Variants in NLRP12 observed in about 807,000 individuals in gnomAD.
NLRP12 encodes NLR family pyrin domain containing 12.
A neutral mutation model predicts 91.2 loss-of-function variants in NLRP12; 108 were observed. The observed-to-expected ratio is 1.18, with a 90% CI of 1.01 to 1.39. The LOEUF is 1.39. NLRP12 is among the 40% of genes most tolerant of loss of function. The pLI, the probability that NLRP12 is intolerant of heterozygous loss-of-function variation, is 0.00. For missense variants in NLRP12, 1,530 were observed against 1,352.7 expected (o/e 1.13, Z -2.06); for synonymous variants, 613 against 566.7 (o/e 1.08, Z -1.16).
rs146250162 is a variant in NLRP12 at position 53,809,773 on chromosome 19, G to T, written c.1886C>A (p.Ala629Asp). Residue 629 changes from alanine (A) to aspartate (D), a missense_variant, in exon 3 of 10, where the codon GCC becomes GAC. Physicochemically the swap from Ala to Asp is moderately radical, Grantham distance 126. Transcript: ENST00000324134. ...CACGATCACCTGGAAGTGGCTCAGG[G>T]CCTGCTGGATAAACTCCTCCTCCTG... ...EIQEEEFIQQ[A>D]LSHFQVIVVS... 100 of 1,614,164 alleles carry T rather than the reference G, an allele frequency of 6.2e-5. No homozygotes were observed. Among genetic ancestry groups the T allele is most frequent in the Middle Eastern group, 4.9e-4 (3 of 6,062 alleles).
chr19:53,801,398 C>T lies in NLRP12; in HGVS notation c.2586-1G>A. 3.1e-6 allele frequency: 5 copies of T among 1,613,504 alleles called. No individual in the cohort carries two copies. Among genetic ancestry groups the T allele is most frequent in the Non-Finnish European group, 4.2e-6 (5 of 1,179,944 alleles). Reference sequence around the variant, plus strand: ...AGCAGTGAGGCGGCAGATCTTCAGCCTGCACAAAGTCCAATTCAACAAGCA... The same window carrying T: ...AGCAGTGAGGCGGCAGATCTTCAGCTTGCACAAAGTCCAATTCAACAAGCA... On this transcript the variant is annotated splice_acceptor_variant, in intron 6 of 9. Coordinates refer to ENST00000324134, the MANE Select transcript of NLRP12 (RefSeq NM_144687.4). LOFTEE classifies it high-confidence loss of function.
chr19:53,810,850 C>T lies in NLRP12; in HGVS notation c.809G>A (p.Ser270Asn). 1 of 1,614,094 alleles carries T rather than the reference C, an allele frequency of 6.2e-7. No individual in the cohort carries two copies. Among genetic ancestry groups the T allele is most frequent in the Non-Finnish European group, 8.5e-7 (1 of 1,180,026 alleles). Residue 270 changes from serine (S) to asparagine (N), a missense_variant, in exon 3 of 10, where the codon AGC (serine) becomes AAC (asparagine). Coordinates refer to ENST00000324134, the MANE Select transcript of NLRP12 (RefSeq NM_144687.4). The stretch of plus-strand genomic sequence containing the variant: ...AGGCGCGCTGGGCTCAGGCCAGCAG[C>T]TGAAGATGAGGTCTTGCATGCTGCA... ...TECSMQDLIF[S>N]CWPEPSAPLQ... is the part of the protein sequence containing the mutation.
At chr19:53,813,867 T>TG (rs1189838127) in intron 2 of NLRP12, among the ~76,000 whole-genome samples, 1 of 146,628 alleles carries the variant, frequency 6.8e-6, no homozygotes, top group Non-Finnish European at 1.5e-5. Context: ...TTCGATTTTT[T>TG]GTTTTTTTTT....
chr19:53,813,492 CAA>C (rs2092112712), intron 2 of NLRP12, among the ~76,000 whole-genome samples: 1 of 151,378 alleles, frequency 6.6e-6, no homozygotes, highest in African/African-American at 2.4e-5. Flanking sequence ...TTAGTAGAGA[CAA>C]GGTTTCACCG....
chr19:53,819,547 A>ACATGCG (rs1233710604), intron 1 of NLRP12, among the ~76,000 whole-genome samples: 58 of 112,384 alleles, frequency 5.2e-4, no homozygotes, highest in African/African-American at 1.0e-3. Context: ...ATACGTATAT[A>ACATGCG]TATGTATGTA....
At position 53,809,761 on chromosome 19, in the gene NLRP12, A is replaced by C. The variant is rs763997556; in HGVS notation, c.1898T>G (p.Phe633Cys). 1.9e-6 allele frequency: 3 copies of C among 1,614,098 alleles called. No homozygotes were observed. Among genetic ancestry groups the C allele is most frequent in the Middle Eastern group, 1.6e-4 (1 of 6,062 alleles). Residue 633 changes from phenylalanine to cysteine, a missense_variant, in exon 3 of 10, where the codon TTC (phenylalanine) becomes TGC (cysteine). Phe to Cys is a radical substitution (Grantham distance 205, BLOSUM62 -2). Transcript: ENST00000324134. ...AATGTTGCTGACCACGATCACCTGG[A>C]AGTGGCTCAGGGCCTGCTGGATAAA... is the stretch of plus-strand genomic sequence containing the variant. ...EEFIQQALSHFQVIVVSNIAS... is the reference protein window; with the variant it reads ...EEFIQQALSHCQVIVVSNIAS...
At chr19:53,812,762 AAAC>A (rs1255109793) in intron 2 of NLRP12, among the ~76,000 whole-genome samples, 6 of 152,182 alleles carry the variant, frequency 3.9e-5, no homozygotes, top group African/African-American at 1.4e-4. Flanking sequence ...AAAATTTTCA[AAAC>A]AAATATGTGT....
intron 1 of NLRP12, among the ~76,000 whole-genome samples, chr19:53,818,883 C>T (rs1034737467): frequency 6.6e-6 from 1 of 152,092 alleles, no homozygotes; most frequent in Non-Finnish European, 1.5e-5. Flanking sequence ...CTCTTACGCA[C>T]AGTAACATGA....
chr19:53,809,649 G>A lies in NLRP12; in HGVS notation c.2010C>T (p.Tyr670=), dbSNP rs2122655928. The A allele has an allele frequency of 6.2e-7, 1 of 1,613,786 alleles. No individual in the cohort carries two copies. The highest frequency in any genetic ancestry group is 1.1e-5 in the South Asian group (1 of 91,088). Residue 670 remains tyrosine (Y), a synonymous_variant, in exon 3 of 10, where the codon TAC becomes TAT. Coordinates refer to ENST00000324134, the MANE Select transcript of NLRP12 (RefSeq NM_144687.4). Reference sequence around the variant, plus strand: ...TCGCGCGGTCTTCCCCGTCCGCGCTGTAGGTGGCGCCATACAAGTGCAGCA... The same window carrying A: ...TCGCGCGGTCTTCCCCGTCCGCGCTATAGGTGGCGCCATACAAGTGCAGCA... ...AQVLHLYGAT[Y]SADGEDRARC...
In NLRP12 at chr19:53,803,933, G is replaced by C. The variant is rs1370180072; in HGVS notation, c.2585+19C>G. ...AGAGATTTGCCATTTTATTATAGTT[G>C]ACCCCAGGAAGAACTCACCACAAAG... On this transcript the variant is annotated intron_variant, in intron 6 of 9. Coordinates refer to ENST00000324134, the MANE Select transcript of NLRP12 (RefSeq NM_144687.4). 1 of 1,611,054 alleles carries C rather than the reference G, an allele frequency of 6.2e-7. No individual in the cohort carries two copies. Among genetic ancestry groups the C allele is most frequent in the Non-Finnish European group, 8.5e-7 (1 of 1,177,388 alleles).
downstream of NLRP12, chr19:53,793,658 C>T: frequency 3.5e-6 from 1 of 287,284 alleles, no homozygotes; most frequent in Non-Finnish European, 6.8e-6. Context: ...GATCTCGGCT[C>T]ACTGCAACCT....
At position 53,819,455 on chromosome 19, in the gene NLRP12, A is replaced by ATGTGTGTGTGTGTGTG. The variant is rs1387933382; in HGVS notation, c.289+4430_289+4431insCACACACACACACACA. ...TATATATATATATATATATATATAT[A>ATGTGTGTGTGTGTGTG]TATGTGTGTGTGTGTGTGTGTGTGT... is the stretch of plus-strand genomic sequence containing the variant. On this transcript the variant is annotated intron_variant, in intron 1 of 9. Coordinates refer to ENST00000324134, the MANE Select transcript of NLRP12 (RefSeq NM_144687.4). Among the ~76,000 whole-genome samples the ATGTGTGTGTGTGTGTG allele has an allele frequency of 3.7e-4, 2 of 5,408 alleles. 1 individual carries two copies. Among genetic ancestry groups the ATGTGTGTGTGTGTGTG allele is most frequent in the African/African-American group, 1.3e-3 (2 of 1,590 alleles). 3.5% of individuals were successfully genotyped at this position (5,408 alleles called of 152,430 possible).
chr19:53,804,259 ATC>A, intron 5 of NLRP12, 137 bp from the exon 6 acceptor site: 1 of 974,740 alleles, frequency 1.0e-6, no homozygotes, highest in Non-Finnish European at 1.6e-6. Flanking sequence ...GTGGAGTGAT[ATC>A]AACTCGCTGA....
chr19:53,811,685 G>A (rs532512044), intron 2 of NLRP12, among the ~76,000 whole-genome samples: 2 of 151,170 alleles, frequency 1.3e-5, no homozygotes, highest in South Asian at 4.2e-4. Flanking sequence ...TCCAGTCTCA[G>A]CCTCCCGAGT....
intron 6 of NLRP12, among the ~76,000 whole-genome samples, chr19:53,801,799 A>G (rs1291249581): frequency 1.3e-5 from 2 of 151,780 alleles, no homozygotes; most frequent in Non-Finnish European, 2.9e-5. Context: ...CTAATTTAAA[A>G]ATGGGCAAAA....
chr19:53,802,512 C>T (rs930332714), intron 6 of NLRP12, among the ~76,000 whole-genome samples: 1 of 151,896 alleles, frequency 6.6e-6, no homozygotes, highest in Non-Finnish European at 1.5e-5. Flanking sequence ...TCGAGACCAT[C>T]CTGGCTAACA....
chr19:53,805,299 AC>A lies in NLRP12; in HGVS notation c.2394del (p.Gln798HisfsTer6). On this transcript the variant is annotated frameshift_variant, in exon 5 of 10. Transcript: ENST00000324134. LOFTEE classifies it high-confidence loss of function. ...MLLCEGLRHP[Q>X]CRLQMIQLRK... Reference sequence around the variant, plus strand: ...ACTCACTGAATCATCTGCAGCCTGCACTGGGGATGCCGCAGGCCCTCGCAAA... The same window carrying A: ...ACTCACTGAATCATCTGCAGCCTGCATGGGGATGCCGCAGGCCCTCGCAAA... The A allele has an allele frequency of 6.2e-7, 1 of 1,613,902 alleles. No homozygotes were observed. The highest frequency in any genetic ancestry group is 2.2e-5 in the East Asian group (1 of 44,870).
chr19:53,795,318 G>C (rs559031801), intron 9 of NLRP12, among the ~76,000 whole-genome samples: 1 of 151,502 alleles, frequency 6.6e-6, no homozygotes, highest in Non-Finnish European at 1.5e-5. Context: ...ATTCTCACTC[G>C]AATCACAGTG....
At position 53,798,247 on chromosome 19, in the gene NLRP12, G is replaced by T. The variant is rs752069080; in HGVS notation, c.2923C>A (p.Leu975Met). The T allele has an allele frequency of 6.2e-7, 1 of 1,614,200 alleles. No homozygotes were observed. The highest frequency in any genetic ancestry group is 1.7e-5 in the Admixed American group (1 of 60,008). ...CCGTCACTCCCCGATGCTCACCACA[G>T]TTTCTGGAGTCTGCAGGCGGGATGT... ...LQHPACRLQKLWLDSCGLTAK... is the reference protein window; with the variant it reads ...LQHPACRLQKMWLDSCGLTAK... The change falls in exon 8 of 10, where the codon CTG (leucine) becomes ATG (methionine). Residue 975 changes from leucine to methionine, a missense_variant. Physicochemically the swap from Leu to Met is conservative, Grantham distance 15. Coordinates refer to ENST00000324134, the MANE Select transcript of NLRP12 (RefSeq NM_144687.4).
Sources: gnomAD v4.1 joint callset for allele counts (sites outside exome capture counted in the v4.1 genomes callset) on GRCh38, gnomAD v4.1.1 for gene constraint, MANE v1.5 for transcripts, NCBI Gene and HGNC (gene_info 2026-07-23, HGNC 2026-07-21) for gene names.